The following PDIA4 variants were observed in gnomAD, a reference collection of about 807,000 sequenced individuals.
PDIA4 encodes protein disulfide-isomerase A4.
A neutral mutation model predicts 62.1 loss-of-function variants in PDIA4; 33 were observed. The observed-to-expected ratio is 0.53, with a 90% CI of 0.40 to 0.71. PDIA4 has a LOEUF of 0.71. Among genes scored for constraint, PDIA4 ranks in the 30% least tolerant of loss-of-function variants. PDIA4 has a pLI of 0.00. For synonymous variants in PDIA4, 341 were observed against 324.1 expected (o/e 1.05, Z -0.56); for missense variants, 804 against 813.6 (o/e 0.99, Z 0.14).
intron 6 of PDIA4, among the ~76,000 whole-genome samples, chr7:149,008,720 A>T (rs1250372804): frequency 7.1e-6 from 1 of 141,276 alleles, no homozygotes; most frequent in African/African-American, 3.2e-5. Flanking sequence ...AAAAAGAAAA[A>T]AAAAAAAGAA....
intron 1 of PDIA4, among the ~76,000 whole-genome samples, chr7:149,027,425 C>A (rs1488086599): frequency 6.6e-6 from 1 of 152,208 alleles, no homozygotes; most frequent in Non-Finnish European, 1.5e-5. Context: ...TTTCCCTACA[C>A]ACTAACATTA....
rs201663719 is a variant in PDIA4 at position 149,006,032 on chromosome 7, T to C, written c.1153A>G (p.Ile385Val). ...GCGTACTTCAGCACGAAGTCCTTGA[T>C]GGCCGAGTCCTGGGTGGAGCCCTGC... The part of the protein sequence containing the change: ...DVQGSTQDSA[I>V]KDFVLKYALP... The change falls in exon 8 of 10, where the codon ATC becomes GTC. Residue 385 changes from isoleucine to valine, a missense_variant. Coordinates refer to ENST00000652332, the MANE Select transcript of PDIA4 (RefSeq NM_004911.5). 1.9e-6 allele frequency: 3 copies of C among 1,565,366 alleles called. No homozygotes were observed. The highest frequency in any genetic ancestry group is 2.8e-5 in the African/African-American group (2 of 71,450).
At chr7:149,021,743 A>ACC (rs1446579266) in intron 1 of PDIA4, among the ~76,000 whole-genome samples, 1 of 152,068 alleles carries the variant, frequency 6.6e-6, no homozygotes, top group African/African-American at 2.4e-5. Flanking sequence ...AGACTACCCT[A>ACC]CCCTTCCAGA....
chr7:149,023,066 C>G (rs888392760), intron 1 of PDIA4, among the ~76,000 whole-genome samples: 3 of 152,000 alleles, frequency 2.0e-5, no homozygotes, highest in African/African-American at 7.3e-5. Flanking sequence ...TCCTGCCTGC[C>G]ACCCCTCCCT....
chr7:149,011,791 C>T (rs1585417407), intron 6 of PDIA4, 55 bp downstream of exon 6: 3 of 1,442,138 alleles, frequency 2.1e-6, no homozygotes, highest in East Asian at 4.7e-5. Flanking sequence ...AACCAGGCAA[C>T]CGCAGACGGC....
chr7:149,005,718 A>T (rs1002906386), intron 8 of PDIA4, among the ~76,000 whole-genome samples, 179 bp downstream of exon 8: 1 of 152,180 alleles, frequency 6.6e-6, no homozygotes, highest in Non-Finnish European at 1.5e-5. Context: ...CCATCCTGCT[A>T]AAAAGGGAAG....
At position 149,009,044 on chromosome 7, in the gene PDIA4, C is replaced by T. The variant is rs1022357250; in HGVS notation, c.980-734G>A. Among the ~76,000 whole-genome samples the T allele has an allele frequency of 2.6e-5, 4 of 152,200 alleles. No individual in the cohort carries two copies. In the East Asian group the frequency reaches 7.7e-4, roughly 29 times the overall value. ...AAGTTCAAGCCAATTCTCCTTCCTG[C>T]CTCAGCCTCCCAAGTAGCTGGGACT... On this transcript the variant is annotated intron_variant, in intron 6 of 9. Transcript: ENST00000652332.
At chr7:149,019,238 C>T (rs1824258463) in intron 2 of PDIA4, 41 bp from the exon 3 acceptor site, 1 of 1,364,928 alleles carries the variant, frequency 7.3e-7, no homozygotes, top group African/African-American at 1.4e-5. Flanking sequence ...GTTAACTGTA[C>T]CTATGGGATT....
rs1383497225 is a variant in PDIA4 at position 149,003,166 on chromosome 7, C to T, written c.*628G>A. Reference sequence around the variant, plus strand: ...GTCCAGGGTCCTTTCTGCTCCGGCACTGGGGGCTCTCAAGAGGTGGGGCTG... The same window carrying T: ...GTCCAGGGTCCTTTCTGCTCCGGCATTGGGGGCTCTCAAGAGGTGGGGCTG... On this transcript the variant is annotated 3_prime_UTR_variant, in exon 10 of 10. Coordinates refer to ENST00000652332, the MANE Select transcript of PDIA4 (RefSeq NM_004911.5). 1 of 169,060 alleles carries T rather than the reference C, an allele frequency of 5.9e-6. No homozygotes were observed. Among genetic ancestry groups the T allele is most frequent in the African/African-American group, 2.4e-5 (1 of 41,558 alleles). 10.5% of individuals were successfully genotyped at this position (169,060 alleles called of 1,614,324 possible).
Position 149,014,700 on chromosome 7 carries a change from A to C in PDIA4, c.614+204T>G, listed in dbSNP as rs117850793. 4.0e-3 allele frequency among the ~76,000 whole-genome samples: 615 copies of C among 152,248 alleles called. 21 individuals carry two copies. The East Asian group carries it at 0.085, about 21-fold the overall frequency. On this transcript the variant is annotated intron_variant, in intron 4 of 9. Coordinates refer to ENST00000652332, the MANE Select transcript of PDIA4 (RefSeq NM_004911.5). The stretch of plus-strand genomic sequence containing the variant: ...CCCTTCTCCCACCCAAGAATGGACT[A>C]CTTGGCAGTTCCTTCCACATTCACT...
At chr7:149,016,526 C>CT (rs559372851) in intron 3 of PDIA4, among the ~76,000 whole-genome samples, 2,959 of 145,762 alleles carry the variant, frequency 0.02, 95 homozygotes, top group African/African-American at 0.066. Context: ...ACACTAGTAC[C>CT]TTTTTTTTTT....
chr7:149,004,040 C>A lies in PDIA4; in HGVS notation c.1692G>T (p.Val564=). Residue 564 remains valine, a synonymous_variant, in exon 10 of 10, where the codon GTG becomes GTT. Transcript: ENST00000652332. ...WCGHCKQLEP[V]YNSLAKKYKG... is the part of the protein sequence containing the mutation. ...TGTACTTCTTGGCCAGGCTGTTGTA[C>A]ACGGGCTCTAGCTGCTTGCAGTGCC... 1.2e-6 allele frequency: 2 copies of A among 1,614,234 alleles called. No homozygotes were observed. Among genetic ancestry groups the A allele is most frequent in the Non-Finnish European group, 8.5e-7 (1 of 1,180,050 alleles).
chr7:149,009,050 C>T (rs1823856361), intron 6 of PDIA4, among the ~76,000 whole-genome samples: 1 of 152,208 alleles, frequency 6.6e-6, no homozygotes, highest in African/African-American at 2.4e-5. Context: ...CCTGCCTCAG[C>T]CTCCCAAGTA....
chr7:149,004,249 C>T, intron 9 of PDIA4, 40 bp from the exon 10 acceptor site: 1 of 1,570,556 alleles, frequency 6.4e-7, no homozygotes, highest in Non-Finnish European at 8.6e-7. Flanking sequence ...GTCAGTGCTG[C>T]AAAGGCCAAA....
intron 2 of PDIA4, among the ~76,000 whole-genome samples, chr7:149,020,378 C>A (rs1824300512): frequency 6.6e-6 from 1 of 152,122 alleles, no homozygotes; most frequent in Non-Finnish European, 1.5e-5. Context: ...GACAGAAGAG[C>A]AAAGCAGGGG....
chr7:149,008,086 C>G (rs1823822255), intron 7 of PDIA4, 73 bp downstream of exon 7: 1 of 1,426,230 alleles, frequency 7.0e-7, no homozygotes, highest in Non-Finnish European at 9.6e-7. Context: ...TTTGAAACCT[C>G]AGAGGTGGCT....
Position 149,011,873 on chromosome 7 carries a change from G to A in PDIA4, c.952C>T (p.Pro318Ser), listed in dbSNP as rs567343075. The A allele has an allele frequency of 1.9e-6, 3 of 1,585,704 alleles. No individual in the cohort carries two copies. Among genetic ancestry groups the A allele is most frequent in the Non-Finnish European group, 2.6e-6 (3 of 1,165,332 alleles). The change falls in exon 6 of 10, where the codon CCA becomes TCA. Residue 318 changes from proline (P) to serine (S), a missense_variant. Pro to Ser is a moderately conservative substitution (Grantham distance 74). Coordinates refer to ENST00000652332, the MANE Select transcript of PDIA4 (RefSeq NM_004911.5). ...IIGVFKGESD[P>S]AYQQYQDAAN... The stretch of plus-strand genomic sequence containing the variant: ...GCATCCTGGTATTGCTGGTAGGCTG[G>A]GTCACTCTCCCCCTTAAAGACCCCG...
At chr7:149,011,247 G>A (rs181323767) in intron 6 of PDIA4, among the ~76,000 whole-genome samples, 55 of 152,256 alleles carry the variant, frequency 3.6e-4, no homozygotes, top group Admixed American at 2.9e-3. Flanking sequence ...CAGGCATCAG[G>A]AGCCAGACCA....
chr7:149,008,709 TAAAAAGAAAAAAA>T (rs1361597784), intron 6 of PDIA4, among the ~76,000 whole-genome samples: 11 of 144,582 alleles, frequency 7.6e-5, no homozygotes, highest in Non-Finnish European at 1.2e-4. Flanking sequence ...AGACTGTCTT[TAAAAAGAAAAAAA>T]AAAAAGAAAA....
Sources: allele counts gnomAD v4.1 joint callset (sites outside exome capture counted in the v4.1 genomes callset), GRCh38; gene constraint gnomAD v4.1.1; transcripts MANE v1.5; gene names NCBI Gene and HGNC (gene_info 2026-07-23, HGNC 2026-07-21).